Variants in BRINP3 observed in about 807,000 individuals in gnomAD.
The protein encoded by BRINP3 is BMP/retinoic acid-inducible neural-specific protein 3.
In BRINP3, 19 loss-of-function variants were observed where a neutral mutation model predicts 71.0. The ratio of observed to expected loss-of-function variants is 0.27; its 90% CI spans 0.19 to 0.39. The LOEUF is 0.39. Among genes scored for constraint, BRINP3 ranks in the 10% least tolerant of loss-of-function variants. The pLI is 1.00. For missense variants in BRINP3, 959 were observed against 940.8 expected, an observed-to-expected ratio of 1.02 and a Z score of -0.25; for synonymous variants, 380 against 337.7, an observed-to-expected ratio of 1.13 and a Z score of -1.37.
At chr1:190,105,605 G>C (rs1557970850) in intron 7 of BRINP3, among the ~76,000 whole-genome samples, 2 of 152,182 alleles carry the variant, frequency 1.3e-5, no homozygotes, top group Non-Finnish European at 2.9e-5. Context: ...CTAGCAGCTA[G>C]TGAGTGTCAG....
intron 2 of BRINP3, among the ~76,000 whole-genome samples, chr1:190,352,490 C>T (rs192797218): frequency 3.8e-4 from 57 of 151,880 alleles, no homozygotes; most frequent in Non-Finnish European, 7.4e-4. Flanking sequence ...AAATAGGAAT[C>T]TAGGTATTAT....
intron 7 of BRINP3, among the ~76,000 whole-genome samples, chr1:190,120,413 G>A (rs1342711699): frequency 6.6e-6 from 1 of 151,942 alleles, no homozygotes; most frequent in Admixed American, 6.6e-5. Flanking sequence ...CATTAATATT[G>A]TCATATAACT....
intron 6 of BRINP3, among the ~76,000 whole-genome samples, chr1:190,185,072 G>T (rs887678533): frequency 6.6e-6 from 1 of 152,120 alleles, no homozygotes; most frequent in East Asian, 1.9e-4. Context: ...GACACCAAAA[G>T]CTTGGGTAAC....
At chr1:190,352,668 C>T (rs927381496) in intron 2 of BRINP3, among the ~76,000 whole-genome samples, 5 of 151,906 alleles carry the variant, frequency 3.3e-5, no homozygotes, top group Non-Finnish European at 7.4e-5. Context: ...GACGTTATAA[C>T]CTAATGTGTA....
intron 1 of BRINP3, among the ~76,000 whole-genome samples, chr1:190,475,079 C>T (rs542421759): frequency 2.8e-4 from 42 of 152,218 alleles, no homozygotes; most frequent in African/African-American, 8.2e-4. Flanking sequence ...AACTCTCTTC[C>T]GCTCTCCCCA....
chr1:190,372,100 G>C (rs1669907494), intron 2 of BRINP3, among the ~76,000 whole-genome samples: 1 of 152,136 alleles, frequency 6.6e-6, no homozygotes, highest in Non-Finnish European at 1.5e-5. Context: ...GGGAAGAGGT[G>C]AAAGACTGCA....
chr1:190,322,992 C>G (rs1327684478), intron 2 of BRINP3, among the ~76,000 whole-genome samples: 2 of 152,048 alleles, frequency 1.3e-5, no homozygotes, highest in East Asian at 3.9e-4. Context: ...TGTAACTTGA[C>G]CATATTGTAC....
intron 2 of BRINP3, among the ~76,000 whole-genome samples, chr1:190,356,240 T>G (rs1216578857): frequency 6.6e-6 from 1 of 152,036 alleles, no homozygotes; most frequent in African/African-American, 2.4e-5. Flanking sequence ...GAACTTGAGA[T>G]GAAGTGTATA....
At chr1:190,202,679 G>A (rs1261939172) in intron 6 of BRINP3, among the ~76,000 whole-genome samples, 1 of 152,052 alleles carries the variant, frequency 6.6e-6, no homozygotes, top group Admixed American at 6.6e-5. Context: ...GATAGTGAAT[G>A]GGTCTCATGA....
intron 2 of BRINP3, among the ~76,000 whole-genome samples, chr1:190,311,065 AT>A (rs1363343767): frequency 1.3e-5 from 2 of 151,706 alleles, no homozygotes; most frequent in Non-Finnish European, 3.0e-5. Context: ...AAACCCAAGT[AT>A]TTTAAATTAT....
At chr1:190,446,498 A>G (rs1365244986) in intron 2 of BRINP3, among the ~76,000 whole-genome samples, 1 of 152,094 alleles carries the variant, frequency 6.6e-6, no homozygotes, top group East Asian at 1.9e-4. Flanking sequence ...TTATGTTCCA[A>G]TATACACAAA....
chr1:190,407,144 C>G (rs1672332956), intron 2 of BRINP3, among the ~76,000 whole-genome samples: 1 of 152,146 alleles, frequency 6.6e-6, no homozygotes, highest in Non-Finnish European at 1.5e-5. Context: ...AGATCTGACT[C>G]TTGACATGGT....
chr1:190,231,117 A>G (rs1657944643), intron 5 of BRINP3, among the ~76,000 whole-genome samples: 1 of 151,728 alleles, frequency 6.6e-6, no homozygotes, highest in Non-Finnish European at 1.5e-5. Context: ...ATGAAGAAAT[A>G]TTTTTTTAAA....
chr1:190,301,166 C>CATATATATGTATATATATGT (rs1374068147), intron 2 of BRINP3, among the ~76,000 whole-genome samples: 1 of 38,022 alleles, frequency 2.6e-5, no homozygotes, highest in South Asian at 1.1e-3. Flanking sequence ...TATATATATA[C>CATATATATGTATATATATGT]ATATATATAC....
intron 2 of BRINP3, among the ~76,000 whole-genome samples, chr1:190,364,825 A>C (rs1669380496): frequency 6.6e-6 from 1 of 152,150 alleles, no homozygotes; most frequent in African/African-American, 2.4e-5. Context: ...GGACTACCAA[A>C]CTAGCTAAGT....
intron 4 of BRINP3, among the ~76,000 whole-genome samples, chr1:190,248,519 C>T (rs1468353816): frequency 6.6e-6 from 1 of 151,710 alleles, no homozygotes; most frequent in Non-Finnish European, 1.5e-5. Context: ...TCTCCACCTA[C>T]CCAGGGTACT....
intron 2 of BRINP3, among the ~76,000 whole-genome samples, chr1:190,297,708 T>A (rs1048444604): frequency 6.6e-6 from 1 of 151,992 alleles, no homozygotes; most frequent in Non-Finnish European, 1.5e-5. Context: ...GAACCAAACT[T>A]ACAATGCTAG....
intron 2 of BRINP3, among the ~76,000 whole-genome samples, chr1:190,385,842 C>T (rs1252281859): frequency 6.7e-6 from 1 of 149,498 alleles, no homozygotes; most frequent in African/African-American, 2.5e-5. Flanking sequence ...AAATGTCCAA[C>T]AATGATAGAC....
chr1:190,259,998 A>G (rs778917630), intron 4 of BRINP3, among the ~76,000 whole-genome samples: 79 of 150,806 alleles, frequency 5.2e-4, no homozygotes, highest in Non-Finnish European at 1.0e-3. Flanking sequence ...ACTGCACTCC[A>G]GCCTGGGCAA....
Sources: allele counts gnomAD v4.1 joint callset (sites outside exome capture counted in the v4.1 genomes callset), GRCh38; gene constraint gnomAD v4.1.1; transcripts MANE v1.5; gene names NCBI Gene and HGNC (gene_info 2026-07-23, HGNC 2026-07-21).